The following SYN3 variants were observed in gnomAD, a reference collection of about 807,000 sequenced individuals.
SYN3 encodes the protein synapsin III, also known as synapsin-3.
A neutral mutation model predicts 65.8 loss-of-function variants in SYN3; 35 were observed. That is an observed-to-expected ratio of 0.53 (90% CI 0.41 to 0.70). SYN3 has a LOEUF of 0.70. SYN3 is among the 30% of genes least tolerant of loss of function. The pLI is 0.00. For missense variants in SYN3, 680 were observed against 749.0 expected, an observed-to-expected ratio of 0.91 and a Z score of 1.08; for synonymous variants, 270 against 292.9, an observed-to-expected ratio of 0.92 and a Z score of 0.80.
chr22:33,028,763 C>T (rs1003613464), intron 1 of SYN3, among the ~76,000 whole-genome samples: 24 of 151,656 alleles, frequency 1.6e-4, no homozygotes, highest in Non-Finnish European at 3.1e-4. Context: ...GCACTGTGGC[C>T]AGCACGGTGG....
intron 4 of SYN3, among the ~76,000 whole-genome samples, chr22:32,888,714 C>T (rs186318077): frequency 6.6e-6 from 1 of 152,186 alleles, no homozygotes; most frequent in African/African-American, 2.4e-5. Context: ...AATCTGAAAA[C>T]CTGAAATCTG....
At chr22:32,674,524 T>C (rs1450872998) in intron 6 of SYN3, among the ~76,000 whole-genome samples, 2 of 152,160 alleles carry the variant, frequency 1.3e-5, no homozygotes, top group Non-Finnish European at 2.9e-5. Context: ...AGAAAATGTT[T>C]GTTGAATGGG....
chr22:32,918,043 A>C (rs965113844), intron 4 of SYN3, among the ~76,000 whole-genome samples: 1 of 152,204 alleles, frequency 6.6e-6, no homozygotes, highest in Non-Finnish European at 1.5e-5. Context: ...TGGGGACACA[A>C]GGCTGTGGGT....
At chr22:32,561,655 C>T (rs535677018) in intron 7 of SYN3, among the ~76,000 whole-genome samples, 53 of 152,334 alleles carry the variant, frequency 3.5e-4, no homozygotes, top group African/African-American at 1.1e-3. Context: ...CACCCGTCCC[C>T]GGAGCAGGTG....
chr22:32,935,284 T>TC (rs1491389455), intron 3 of SYN3, among the ~76,000 whole-genome samples: 3 of 135,214 alleles, frequency 2.2e-5, no homozygotes, highest in African/African-American at 5.0e-5. Context: ...TCTCTCTCTC[T>TC]TTCTCTCTCT....
At chr22:33,022,425 T>C (rs941617705) in intron 1 of SYN3, among the ~76,000 whole-genome samples, 1 of 152,200 alleles carries the variant, frequency 6.6e-6, no homozygotes, top group African/African-American at 2.4e-5. Flanking sequence ...AGGAAGCAGC[T>C]CCATCCTGCT....
At chr22:32,883,027 C>T (rs922044247) in intron 4 of SYN3, among the ~76,000 whole-genome samples, 1 of 152,128 alleles carries the variant, frequency 6.6e-6, no homozygotes, top group African/African-American at 2.4e-5. Context: ...TGAACTCCAC[C>T]AGCGAGTGGT....
chr22:32,549,081 C>A (rs928505196), intron 7 of SYN3, among the ~76,000 whole-genome samples: 1 of 152,028 alleles, frequency 6.6e-6, no homozygotes, highest in South Asian at 2.1e-4. Context: ...GGACTGCCAC[C>A]GGGATGGTGC....
At chr22:32,607,277 CAG>C (rs1212352805) in intron 6 of SYN3, among the ~76,000 whole-genome samples, 1 of 152,176 alleles carries the variant, frequency 6.6e-6, no homozygotes, top group Admixed American at 6.5e-5. Context: ...TCCTGAATGA[CAG>C]ACCTGCCTCC....
At chr22:32,981,853 T>C (rs554474693) in intron 2 of SYN3, among the ~76,000 whole-genome samples, 6 of 152,342 alleles carry the variant, frequency 3.9e-5, no homozygotes, top group African/African-American at 7.2e-5. Context: ...ATTTTCATCA[T>C]GTTATCTTCA....
intron 3 of SYN3, among the ~76,000 whole-genome samples, chr22:32,953,516 C>A (rs535506039): frequency 8.1e-6 from 1 of 123,648 alleles, no homozygotes; most frequent in South Asian, 2.5e-4. Context: ...GTAGCAAAAC[C>A]TATTAATAAG....
rs9609598 is a variant in SYN3, at chr22:32,568,012, C to T, written c.775-26299G>A. On this transcript the variant is annotated intron_variant, in intron 7 of 13. Transcript: ENST00000358763. ...ATCCCCAGTTTCAGAAGGGACCGGACGGTCACAGCTGCATAAAGTCCTCTG... is the reference window on the plus strand; with the variant it reads ...ATCCCCAGTTTCAGAAGGGACCGGATGGTCACAGCTGCATAAAGTCCTCTG... Among the ~76,000 whole-genome samples the T allele has an allele frequency of 6.0e-3, 917 of 152,286 alleles. 6 individuals carry two copies. The highest frequency in any genetic ancestry group is 0.01 in the Non-Finnish European group (707 of 68,030).
intron 1 of SYN3, among the ~76,000 whole-genome samples, 186 bp downstream of exon 1, chr22:33,058,106 C>G (rs572575119): frequency 6.6e-6 from 1 of 152,256 alleles, no homozygotes; most frequent in East Asian, 1.9e-4. Context: ...CCTGGGGAGA[C>G]ACCGTGGTGC....
chr22:32,740,616 C>A (rs979025502), intron 6 of SYN3, among the ~76,000 whole-genome samples: 4 of 152,180 alleles, frequency 2.6e-5, no homozygotes, highest in African/African-American at 9.7e-5. Context: ...CTGGAAATTG[C>A]AGATGTCTTA....
At chr22:32,814,351 G>GAAAGGAAGAAAGGA (rs1555970165) in intron 6 of SYN3, among the ~76,000 whole-genome samples, 1 of 14,592 alleles carries the variant, frequency 6.9e-5, no homozygotes, top group African/African-American at 1.5e-4. Context: ...GAAAGAAAGA[G>GAAAGGAAGAAAGGA]AGAAAGAAAG....
chr22:32,866,375 G>C (rs1233596067), intron 5 of SYN3, among the ~76,000 whole-genome samples: 1 of 152,186 alleles, frequency 6.6e-6, no homozygotes, highest in Non-Finnish European at 1.5e-5. Context: ...AGAGAACTCA[G>C]AAATATGGAA....
At chr22:32,632,512 C>A (rs1431315850) in intron 6 of SYN3, among the ~76,000 whole-genome samples, 1 of 152,168 alleles carries the variant, frequency 6.6e-6, no homozygotes, top group East Asian at 1.9e-4. Context: ...GAGACACCTT[C>A]CCTTTGGGGC....
chr22:32,572,288 TCC>T (rs2058773949), intron 7 of SYN3, among the ~76,000 whole-genome samples: 1 of 76,274 alleles, frequency 1.3e-5, no homozygotes, highest in African/African-American at 5.9e-5. Context: ...CCTCCCTCCC[TCC>T]TTCCTTCCTT....
chr22:32,570,323 C>G (rs3788456), intron 7 of SYN3, among the ~76,000 whole-genome samples: 47,582 of 151,820 alleles, frequency 0.31, 7,629 homozygotes, highest in East Asian at 0.51. Flanking sequence ...TTGTGAAATA[C>G]TGGGAAATTA....
Sources: allele counts gnomAD v4.1 joint callset (sites outside exome capture counted in the v4.1 genomes callset), GRCh38; gene constraint gnomAD v4.1.1; transcripts MANE v1.5; gene names NCBI Gene and HGNC (gene_info 2026-07-23, HGNC 2026-07-21).